FSIP1: variants seen among roughly 807,000 people sequenced by gnomAD.
The protein encoded by FSIP1 is fibrous sheath interacting protein 1, also known as fibrous sheath-interacting protein 1.
FSIP1 carries 65 observed loss-of-function variants against 60.9 expected under a neutral mutation model. That is an observed-to-expected ratio of 1.07 (90% confidence interval 0.87 to 1.31). FSIP1 has a LOEUF of 1.31. Among genes scored for constraint, FSIP1 ranks in the 40% most tolerant of loss-of-function variants. The pLI is 0.00. For synonymous variants in FSIP1, 209 were observed against 221.2 expected (o/e 0.94, Z 0.49); for missense variants, 675 against 665.5 (o/e 1.01, Z -0.16).
chr15:39,607,894 A>G (rs1192752185), intron 11 of FSIP1, among the ~76,000 whole-genome samples: 1 of 152,240 alleles, frequency 6.6e-6, no homozygotes, highest in African/African-American at 2.4e-5. Flanking sequence ...AGAAGGAGGT[A>G]GAACAGAAAT....
chr15:39,651,993 A>C (rs1037491111), intron 10 of FSIP1, among the ~76,000 whole-genome samples: 3 of 152,248 alleles, frequency 2.0e-5, no homozygotes, highest in African/African-American at 4.8e-5. Flanking sequence ...CTTGACACAC[A>C]GATTGGAGGA....
At chr15:39,708,274 G>C (rs776439138) in intron 10 of FSIP1, among the ~76,000 whole-genome samples, 1 of 152,130 alleles carries the variant, frequency 6.6e-6, no homozygotes, top group African/African-American at 2.4e-5. Context: ...ACCATCTACA[G>C]GCTGCCTGCT....
In FSIP1 at chr15:39,646,553, C is replaced by T. The variant is rs1472729999; in HGVS notation, c.1189-28308G>A. Among the ~76,000 whole-genome samples, 34 of 107,628 alleles carry T rather than the reference C, an allele frequency of 3.2e-4. No homozygotes were observed. The East Asian group carries it at 9.8e-3, about 31-fold the overall frequency. The allele number at this position is 107,628 out of a possible 152,430, so 70.6% of individuals were successfully genotyped here. On this transcript the variant is annotated intron_variant, in intron 10 of 11. Transcript: ENST00000350221. ...AAAAAAAAAAAAAAAAAAAAGGCTG[C>T]GTTTGGTGATGTGTGCCTGTAGTCC...
chr15:39,680,385 C>G (rs566302857), intron 10 of FSIP1, among the ~76,000 whole-genome samples: 36 of 152,290 alleles, frequency 2.4e-4, no homozygotes, highest in African/African-American at 8.4e-4. Flanking sequence ...TGTCTGTTTT[C>G]TTTTGACATG....
At chr15:39,646,377 C>A (rs867137122) in intron 10 of FSIP1, among the ~76,000 whole-genome samples, 16 of 151,980 alleles carry the variant, frequency 1.1e-4, no homozygotes, top group Middle Eastern at 3.4e-3. Context: ...AGGTTTCCCA[C>A]CAGAAAAATC....
At chr15:39,649,984 A>T (rs1952898789) in intron 10 of FSIP1, among the ~76,000 whole-genome samples, 1 of 152,222 alleles carries the variant, frequency 6.6e-6, no homozygotes, top group Non-Finnish European at 1.5e-5. Context: ...CTCAAATGCC[A>T]AGTCCTCCAC....
chr15:39,657,300 C>T (rs1893109137), intron 10 of FSIP1, among the ~76,000 whole-genome samples: 1 of 110,822 alleles, frequency 9.0e-6, no homozygotes, highest in African/African-American at 3.5e-5. Flanking sequence ...GACTTCATGT[C>T]TTCAATTTGG....
At chr15:39,701,182 C>T (rs114512847) in intron 10 of FSIP1, among the ~76,000 whole-genome samples, 2,361 of 152,052 alleles carry the variant, frequency 0.016, 52 homozygotes, top group African/African-American at 0.054. Context: ...TCAGGGAGCA[C>T]ACTTATTTAG....
intron 9 of FSIP1, among the ~76,000 whole-genome samples, chr15:39,719,422 A>T (rs1895869833): frequency 6.6e-6 from 1 of 152,246 alleles, no homozygotes; most frequent in African/African-American, 2.4e-5. Flanking sequence ...ATACTTGTTG[A>T]TTTGACTAAT....
chr15:39,779,068 G>T (rs996230801), intron 1 of FSIP1, among the ~76,000 whole-genome samples: 1 of 152,026 alleles, frequency 6.6e-6, no homozygotes, highest in African/African-American at 2.4e-5. Context: ...AAATTAAAAG[G>T]AACCTGAGAA....
intron 10 of FSIP1, among the ~76,000 whole-genome samples, chr15:39,692,389 C>T (rs1005756915): frequency 6.6e-6 from 1 of 152,144 alleles, no homozygotes. Flanking sequence ...CCAAAAGGAC[C>T]TAAACATTAG....
At chr15:39,693,113 T>G (rs980680049) in intron 10 of FSIP1, among the ~76,000 whole-genome samples, 1 of 152,238 alleles carries the variant, frequency 6.6e-6, no homozygotes, top group Non-Finnish European at 1.5e-5. Flanking sequence ...GAAATTTCTT[T>G]TATCTCCTTT....
chr15:39,754,815 G>C (rs1897256386), intron 5 of FSIP1, among the ~76,000 whole-genome samples: 1 of 152,092 alleles, frequency 6.6e-6, no homozygotes, highest in South Asian at 2.1e-4. Flanking sequence ...TGCTATGAGA[G>C]GTCACTGTGT....
intron 11 of FSIP1, among the ~76,000 whole-genome samples, chr15:39,614,081 G>A (rs1595532097): frequency 6.6e-6 from 1 of 152,040 alleles, no homozygotes; most frequent in East Asian, 1.9e-4. Flanking sequence ...CCTGGCCAGA[G>A]TTACGCAAGA....
chr15:39,745,146 G>A (rs1896952410), intron 5 of FSIP1, among the ~76,000 whole-genome samples: 4 of 131,384 alleles, frequency 3.0e-5, no homozygotes, highest in Admixed American at 8.9e-5. Flanking sequence ...GCGTCCTCCC[G>A]AACCCAGACA....
At chr15:39,754,134 A>G (rs1462655679) in intron 5 of FSIP1, among the ~76,000 whole-genome samples, 2 of 152,090 alleles carry the variant, frequency 1.3e-5, no homozygotes, top group African/African-American at 4.8e-5. Context: ...TTGTGAGGAC[A>G]TACACGCATC....
chr15:39,741,450 CA>C (rs1438273569), intron 6 of FSIP1, among the ~76,000 whole-genome samples: 3 of 152,222 alleles, frequency 2.0e-5, no homozygotes, highest in African/African-American at 7.2e-5. Flanking sequence ...AGAACTGAGC[CA>C]ACCTCTGAAT....
chr15:39,701,083 C>T (rs1003590676), intron 10 of FSIP1, among the ~76,000 whole-genome samples: 1 of 152,126 alleles, frequency 6.6e-6, no homozygotes, highest in African/African-American at 2.4e-5. Flanking sequence ...GCCCAAGGGG[C>T]AGGGGTTGCG....
chr15:39,658,127 A>T (rs1893142824), intron 10 of FSIP1, among the ~76,000 whole-genome samples: 1 of 152,218 alleles, frequency 6.6e-6, no homozygotes, highest in African/African-American at 2.4e-5. Flanking sequence ...CCTTTAAAAA[A>T]TGAAGAATCC....
Sources: gnomAD v4.1 joint callset for allele counts (sites outside exome capture counted in the v4.1 genomes callset) on GRCh38, gnomAD v4.1.1 for gene constraint, MANE v1.5 for transcripts, NCBI Gene and HGNC (gene_info 2026-07-23, HGNC 2026-07-21) for gene names.